The following PTPRD variants were observed in gnomAD, a reference collection of about 807,000 sequenced individuals.
The protein encoded by PTPRD is protein tyrosine phosphatase receptor type D.
In PTPRD, 34 loss-of-function variants were observed where a neutral mutation model predicts 214.5. The observed-to-expected ratio is 0.16, with a 90% confidence interval of 0.12 to 0.21. The LOEUF (loss-of-function observed/expected upper bound fraction) is 0.21, where lower values mean the gene tolerates loss of function less well. Ranked by LOEUF, PTPRD falls within the 10% of genes least tolerant of loss-of-function variation. The probability of loss-of-function intolerance (pLI) is 1.00; values close to 1 mark genes in which losing one functional copy is unlikely to be tolerated. For missense variants in PTPRD, 2,545 were observed against 2,398.7 expected (o/e 1.06, Z -1.27); for synonymous variants, 1,128 against 845.7 (o/e 1.33, Z -5.79).
At chr9:10,024,838 T>A (rs1190160836) in intron 4 of PTPRD, among the ~76,000 whole-genome samples, 4 of 140,034 alleles carry the variant, frequency 2.9e-5, no homozygotes, top group Admixed American at 1.5e-4. Context: ...TGTCCATGTG[T>A]TCTCATTGTT....
chr9:9,555,948 A>T (rs953522493), intron 8 of PTPRD, among the ~76,000 whole-genome samples: 9 of 152,066 alleles, frequency 5.9e-5, no homozygotes, highest in Non-Finnish European at 1.2e-4. Context: ...TTTTAAATTT[A>T]TTTTTTGTGT....
chr9:8,695,397 C>T (rs951340202), intron 12 of PTPRD, among the ~76,000 whole-genome samples: 2 of 151,434 alleles, frequency 1.3e-5, no homozygotes, highest in Non-Finnish European at 2.9e-5. Flanking sequence ...CACCCCCGCA[C>T]CCCCACCCAC....
intron 2 of PTPRD, among the ~76,000 whole-genome samples, chr9:10,503,891 C>A (rs927462610): frequency 2.6e-5 from 4 of 151,398 alleles, no homozygotes; most frequent in African/African-American, 7.3e-5. Flanking sequence ...CCGAGGTGGG[C>A]GGATCATAAG....
At chr9:10,612,665 T>A (rs2133864335) in intron 1 of PTPRD, 23 bp downstream of exon 1, 1 of 152,198 alleles carries the variant, frequency 6.6e-6, no homozygotes, top group East Asian at 1.9e-4. Flanking sequence ...TGGGTCCTGC[T>A]AATTATTCTG....
intron 9 of PTPRD, among the ~76,000 whole-genome samples, chr9:9,211,546 C>G (rs2099948691): frequency 7.5e-6 from 1 of 133,662 alleles, no homozygotes; most frequent in South Asian, 2.3e-4. Context: ...CACACACACA[C>G]ACACACACAC....
At chr9:10,369,217 G>A (rs908650893) in intron 2 of PTPRD, among the ~76,000 whole-genome samples, 3 of 152,030 alleles carry the variant, frequency 2.0e-5, no homozygotes, top group African/African-American at 7.2e-5. Context: ...AAGGAGTTTA[G>A]ACCTTGGCAA....
At chr9:10,170,521 A>G (rs982676193) in intron 3 of PTPRD, among the ~76,000 whole-genome samples, 9 of 152,030 alleles carry the variant, frequency 5.9e-5, no homozygotes, top group African/African-American at 1.7e-4. Flanking sequence ...CCCCGTCTCT[A>G]CTAAAAACAC....
At chr9:10,601,386 A>G (rs2077932126) in intron 2 of PTPRD, among the ~76,000 whole-genome samples, 2 of 151,716 alleles carry the variant, frequency 1.3e-5, no homozygotes, top group African/African-American at 4.8e-5. Context: ...TGTGGAGGCT[A>G]CCATAAATTT....
At chr9:9,294,487 G>T (rs543032138) in intron 9 of PTPRD, among the ~76,000 whole-genome samples, 41 of 151,608 alleles carry the variant, frequency 2.7e-4, no homozygotes, top group Non-Finnish European at 5.5e-4. Flanking sequence ...GTATTTGGAC[G>T]TAAGGCTGCT....
rs149827341 is a variant in PTPRD, at chr9:9,166,108, A to C, written c.-143+17196T>G. 1.5e-3 allele frequency among the ~76,000 whole-genome samples: 235 copies of C among 151,658 alleles called. 1 individual carries two copies. Among genetic ancestry groups the C allele is most frequent in the African/African-American group, 5.1e-3 (210 of 41,340 alleles). On this transcript the variant is annotated intron_variant, in intron 10 of 45. Transcript: ENST00000381196. ...TTCAATCCACTAATTAAAATGTCTCAGCTCATGAATATATCAAGACTCTGG... is the reference window on the plus strand; with the variant it reads ...TTCAATCCACTAATTAAAATGTCTCCGCTCATGAATATATCAAGACTCTGG...
At chr9:9,175,597 T>G (rs2099924173) in intron 10 of PTPRD, among the ~76,000 whole-genome samples, 1 of 125,854 alleles carries the variant, frequency 7.9e-6, no homozygotes, top group Non-Finnish European at 1.6e-5. Context: ...CACTCCAGCT[T>G]GGGCAACAGA....
intron 2 of PTPRD, among the ~76,000 whole-genome samples, chr9:10,561,690 CT>C (rs2064012470): frequency 6.6e-6 from 1 of 152,004 alleles, no homozygotes; most frequent in Non-Finnish European, 1.5e-5. Flanking sequence ...GTGACATAAT[CT>C]TTCTATCCTC....
At chr9:9,471,284 A>T (rs1297547486) in intron 8 of PTPRD, among the ~76,000 whole-genome samples, 1 of 152,204 alleles carries the variant, frequency 6.6e-6, no homozygotes, top group African/African-American at 2.4e-5. Flanking sequence ...CTATGAATGA[A>T]GGCCAAAGGA....
intron 3 of PTPRD, among the ~76,000 whole-genome samples, chr9:10,052,687 G>A (rs1011196889): frequency 1.3e-5 from 2 of 152,096 alleles, no homozygotes; most frequent in African/African-American, 2.4e-5. Context: ...GCTCAAACAT[G>A]AGTTTCTCAT....
chr9:10,403,247 T>TATATATATATATA (rs1294693121), intron 2 of PTPRD, among the ~76,000 whole-genome samples: 1 of 136,808 alleles, frequency 7.3e-6, no homozygotes, highest in Non-Finnish European at 1.6e-5. Flanking sequence ...TATATATATA[T>TATATATATATATA]ATATATATAT....
chr9:8,560,923 C>T (rs1034455884), intron 14 of PTPRD, among the ~76,000 whole-genome samples: 3 of 121,360 alleles, frequency 2.5e-5, no homozygotes, highest in African/African-American at 1.9e-4. Context: ...GAAAGGCATT[C>T]CTTTAAAAAA....
At chr9:10,348,418 G>T (rs1331855515) in intron 2 of PTPRD, among the ~76,000 whole-genome samples, 1 of 152,074 alleles carries the variant, frequency 6.6e-6, no homozygotes, top group African/African-American at 2.4e-5. Context: ...TTTAAAACAG[G>T]GTTGACAAGC....
chr9:9,117,935 A>G (rs1178807842), intron 10 of PTPRD, among the ~76,000 whole-genome samples: 1 of 152,178 alleles, frequency 6.6e-6, no homozygotes, highest in Non-Finnish European at 1.5e-5. Flanking sequence ...AGTTTACACG[A>G]TGTTGATGCT....
chr9:10,216,728 C>T (rs138425814), intron 3 of PTPRD, among the ~76,000 whole-genome samples: 139 of 152,112 alleles, frequency 9.1e-4, no homozygotes, highest in African/African-American at 3.3e-3. Context: ...TGGAAGTATA[C>T]GGAATAAATT....
Sources: allele counts gnomAD v4.1 joint callset (sites outside exome capture counted in the v4.1 genomes callset), GRCh38; gene constraint gnomAD v4.1.1; transcripts MANE v1.5; gene names NCBI Gene and HGNC (gene_info 2026-07-23, HGNC 2026-07-21).